The following FHDC1 variants were observed in gnomAD, a reference collection of about 807,000 sequenced individuals.
The protein encoded by FHDC1 is FH2 domain-containing protein 1.
FHDC1 carries 25 observed loss-of-function variants against 52.6 expected under a neutral mutation model. The ratio of observed to expected loss-of-function variants is 0.48; its 90% CI spans 0.35 to 0.66. The LOEUF is 0.66. Among genes scored for constraint, FHDC1 ranks in the 30% least tolerant of loss-of-function variants. The pLI is 0.01. For missense variants in FHDC1, 1,459 were observed against 1,452.8 expected (o/e 1.00, Z -0.07); for synonymous variants, 616 against 581.5 (o/e 1.06, Z -0.85).
At chr4:152,947,690 C>A (rs1427857005) in intron 2 of FHDC1, among the ~76,000 whole-genome samples, 2 of 152,094 alleles carry the variant, frequency 1.3e-5, no homozygotes, top group African/African-American at 4.8e-5. Context: ...AAAATTGGGG[C>A]TCACAAAGAA....
intron 3 of FHDC1, among the ~76,000 whole-genome samples, 192 bp from the exon 4 acceptor site, chr4:152,954,025 C>T (rs1313961535): frequency 6.6e-6 from 1 of 152,160 alleles, no homozygotes; most frequent in African/African-American, 2.4e-5. Context: ...GGGTGAAGGG[C>T]CCTTGAGTGG....
chr4:152,927,534 A>G, the FHDC1 span: 15 of 1,341,552 alleles, frequency 1.1e-5, no homozygotes, highest in Non-Finnish European at 1.5e-5. Flanking sequence ...AGGAGGCAAG[A>G]AGAATGGGAG....
rs74641062 is a variant in FHDC1 at position 152,956,131 on chromosome 4, A to C, written c.663+1812A>C. ...CTTAATCTTTTCTGTAAAGGATAGGAGTTCCAAAATCTTTGTTAGGATAGA... is the reference window on the plus strand; with the variant it reads ...CTTAATCTTTTCTGTAAAGGATAGGCGTTCCAAAATCTTTGTTAGGATAGA... On this transcript the variant is annotated intron_variant, in intron 4 of 11. Coordinates refer to ENST00000511601, the MANE Select transcript of FHDC1 (RefSeq NM_001371116.1). Among the ~76,000 whole-genome samples the C allele has an allele frequency of 6.9e-3, 1,052 of 152,350 alleles. 16 individuals carry two copies. Among genetic ancestry groups the C allele is most frequent in the South Asian group, 0.036 (175 of 4,830 alleles).
At position 152,960,565 on chromosome 4, in the gene FHDC1, G is replaced by A. The variant is rs761224747; in HGVS notation, c.664G>A (p.Val222Ile). Reference sequence around the variant, plus strand: ...CCCCCCCTTTCCATTTGTCTTTTAGGTAAAGAAGTTAAAAGCGTTTAGTGG... The same window carrying A: ...CCCCCCCTTTCCATTTGTCTTTTAGATAAAGAAGTTAAAAGCGTTTAGTGG... ...FLKFLPESEE[V>I]KKLKAFSGDV... The change falls in exon 5 of 12, where the codon GTA (valine) becomes ATA (isoleucine). Residue 222 changes from valine to isoleucine, a missense_variant and splice_region_variant. Physicochemically the swap from Val to Ile is conservative, Grantham distance 29. Around this residue, in one of 3 missense-constraint regions of FHDC1, gnomAD observed 513 missense variants for 581.5 expected, o/e 0.88. Transcript: ENST00000511601. 1 of 1,613,292 alleles carries A rather than the reference G, an allele frequency of 6.2e-7. No individual in the cohort carries two copies. Among genetic ancestry groups the A allele is most frequent in the South Asian group, 1.1e-5 (1 of 90,930 alleles).
intron 2 of FHDC1, among the ~76,000 whole-genome samples, chr4:152,948,130 C>G (rs1739791871): frequency 6.6e-6 from 1 of 151,876 alleles, no homozygotes; most frequent in Non-Finnish European, 1.5e-5. Context: ...AATGAAAAAC[C>G]ATCAAAACCC....
the FHDC1 span, among the ~76,000 whole-genome samples, chr4:152,931,057 A>C: frequency 6.7e-6 from 1 of 150,334 alleles, no homozygotes; most frequent in African/African-American, 2.5e-5. Context: ...TTGTTTGGAG[A>C]CTGCTTAAAC....
chr4:152,949,115 TAATAATAATAAGAAGAAGAAGAAG>T (rs1335158615), intron 2 of FHDC1, among the ~76,000 whole-genome samples: 8,292 of 76,470 alleles, frequency 0.11, 315 homozygotes, highest in East Asian at 0.23. Context: ...ATAATAATAA[TAATAATAATAAGAAGAAGAAGAAG>T]AAGAAGAAGA....
chr4:152,922,233 A>G, the FHDC1 span, among the ~76,000 whole-genome samples: 1 of 152,258 alleles, frequency 6.6e-6, no homozygotes, highest in Non-Finnish European at 1.5e-5. Flanking sequence ...AAACACCTCT[A>G]CACAAATAAA....
the FHDC1 span, among the ~76,000 whole-genome samples, chr4:152,915,844 A>G: frequency 4.6e-5 from 7 of 152,360 alleles, no homozygotes; most frequent in Middle Eastern, 6.8e-3. Context: ...AAAAAGTACC[A>G]TTAATAAGAA....
Position 152,975,885 on chromosome 4 carries a change from G to A in FHDC1, c.2594G>A (p.Gly865Asp), listed in dbSNP as rs1308706368. The A allele has an allele frequency of 6.6e-7, 1 of 1,514,110 alleles. No homozygotes were observed. Among genetic ancestry groups the A allele is most frequent in the Non-Finnish European group, 8.8e-7 (1 of 1,133,308 alleles). 93.8% of individuals were successfully genotyped at this position (1,514,110 alleles called of 1,614,324 possible). Residue 865 changes from glycine to aspartate, a missense_variant, in exon 12 of 12, where the codon GGC becomes GAC. Around this residue, in one of 3 missense-constraint regions of FHDC1, gnomAD observed 939 missense variants for 854.5 expected, o/e 1.10. Coordinates refer to ENST00000511601, the MANE Select transcript of FHDC1 (RefSeq NM_001371116.1). ...KRKDVVAPKR[G>D]SLKEASPGAS... is the part of the protein sequence containing the mutation. ...AAAGATGTTGTAGCACCAAAGAGAG[G>A]CTCCCTGAAAGAGGCGTCTCCCGGG... is the stretch of plus-strand genomic sequence containing the variant.
At chr4:152,933,344 T>C (rs1739282789), upstream of FHDC1, among the ~76,000 whole-genome samples, 1 of 152,228 alleles carries the variant, frequency 6.6e-6, no homozygotes, top group Non-Finnish European at 1.5e-5. Context: ...TTTGCAGCTT[T>C]AGATCCAATC....
chr4:152,933,285 G>A (rs184143694), upstream of FHDC1, among the ~76,000 whole-genome samples: 2 of 151,974 alleles, frequency 1.3e-5, no homozygotes, highest in Admixed American at 1.3e-4. Context: ...GGGGGATACA[G>A]ATGGACAATC....
the FHDC1 span, among the ~76,000 whole-genome samples, chr4:152,924,580 A>C: frequency 6.6e-6 from 1 of 152,170 alleles, no homozygotes; most frequent in Admixed American, 6.5e-5. Flanking sequence ...TTGCGGCACT[A>C]TTCACAACAG....
At position 152,975,614 on chromosome 4, in the gene FHDC1, G is replaced by C; in HGVS notation, c.2323G>C (p.Asp775His). 2 of 1,613,600 alleles carry C rather than the reference G, an allele frequency of 1.2e-6. No individual in the cohort carries two copies. The highest frequency in any genetic ancestry group is 1.7e-6 in the Non-Finnish European group (2 of 1,180,030). The part of the protein sequence containing the change: ...KDPRPLFCIS[D>H]TTDCSLTLDC... ...TCCTAGACCTCTGTTCTGCATCTCG[G>C]ACACCACCGACTGCTCACTGACCCT... The change falls in exon 12 of 12, where the codon GAC becomes CAC. Residue 775 changes from aspartate to histidine, a missense_variant. Physicochemically the swap from Asp to His is moderately conservative, Grantham distance 81. Transcript: ENST00000511601.
At chr4:152,962,671 G>C in intron 6 of FHDC1, 143 bp from the exon 7 acceptor site, 2 of 641,124 alleles carry the variant, frequency 3.1e-6, no homozygotes, top group South Asian at 3.9e-5. Context: ...AGAATGTATT[G>C]CTTTGTTTGT....
Position 152,976,201 on chromosome 4 carries a change from G to C in FHDC1, c.2910G>C (p.Gly970=), listed in dbSNP as rs373586325. The stretch of plus-strand genomic sequence containing the variant: ...GCGGCTCCAGCAGCACCCGTCCGGG[G>C]AGGGACGTTCCCCTGCAGCCCAGGG... ...GSSGSSSTRP[G]RDVPLQPRGS... The change falls in exon 12 of 12, where the codon GGG becomes GGC. Residue 970 remains glycine (G), a synonymous_variant. Transcript: ENST00000511601. 81 of 1,612,864 alleles carry C rather than the reference G, an allele frequency of 5.0e-5. No individual in the cohort carries two copies. The East Asian group carries it at 1.6e-3, about 32-fold the overall frequency.
chr4:152,947,347 T>C (rs758842186), intron 2 of FHDC1, among the ~76,000 whole-genome samples: 1 of 152,206 alleles, frequency 6.6e-6, no homozygotes, highest in Non-Finnish European at 1.5e-5. Flanking sequence ...AATTAAACTG[T>C]AATAAAGCAA....
rs1367764402 is a variant in FHDC1 at position 152,979,476 on chromosome 4, A to G, written c.*2753A>G. 2 of 152,216 alleles carry G rather than the reference A, an allele frequency of 1.3e-5. No individual in the cohort carries two copies. The highest frequency in any genetic ancestry group is 2.4e-5 in the African/African-American group (1 of 41,472). The allele number at this position is 152,216 out of a possible 1,614,324, so 9.4% of individuals were successfully genotyped here. ...ACTTAGCCCTGTGGACAACTTCTCT[A>G]TGCATCTGTGTGAGCAGATGATCAT... On this transcript the variant is annotated 3_prime_UTR_variant, in exon 12 of 12. Transcript: ENST00000511601.
At chr4:152,954,161 C>A (rs947322671) in intron 3 of FHDC1, 56 bp from the exon 4 acceptor site, 20 of 1,456,880 alleles carry the variant, frequency 1.4e-5, no homozygotes, top group Admixed American at 1.7e-5. Context: ...CTGGCTTGCA[C>A]CTCTGTTGGC....
Sources: gnomAD v4.1 joint callset for allele counts (sites outside exome capture counted in the v4.1 genomes callset) on GRCh38, gnomAD v4.1.1 for gene constraint, gnomAD v4.1.1 regional missense constraint, MANE v1.5 for transcripts, NCBI Gene and HGNC (gene_info 2026-07-23, HGNC 2026-07-21) for gene names.